BBX: variants seen among roughly 807,000 people sequenced by gnomAD.
BBX encodes BBX high mobility group box domain containing, also known as HMG box transcription factor BBX.
A neutral mutation model predicts 100.2 loss-of-function variants in BBX; 30 were observed. The ratio of observed to expected loss-of-function variants is 0.30; its 90% confidence interval spans 0.22 to 0.41. The LOEUF (loss-of-function observed/expected upper bound fraction) is 0.41, where lower values mean the gene tolerates loss of function less well. BBX is among the 10% of genes least tolerant of loss of function. BBX has a pLI of 1.00. For synonymous variants in BBX, 376 were observed against 388.1 expected (o/e 0.97, Z 0.37); for missense variants, 1,023 against 1,129.8 (o/e 0.91, Z 1.35).
chr3:107,797,413 T>TTGCTTAGG (rs1415672558), intron 15 of BBX, among the ~76,000 whole-genome samples: 1 of 139,978 alleles, frequency 7.1e-6, no homozygotes, highest in Non-Finnish European at 1.5e-5. Flanking sequence ...TGGATTTAGT[T>TTGCTTAGG]TGCTTAGGGC....
intron 3 of BBX, among the ~76,000 whole-genome samples, chr3:107,668,685 G>T (rs1214997452): frequency 2.0e-5 from 3 of 152,206 alleles, no homozygotes; most frequent in Non-Finnish European, 4.4e-5. Flanking sequence ...CAAAATTAAA[G>T]CTCATGGAGA....
chr3:107,580,075 T>C (rs1257047749), intron 2 of BBX, among the ~76,000 whole-genome samples: 2 of 152,132 alleles, frequency 1.3e-5, no homozygotes, highest in African/African-American at 4.8e-5. Context: ...AAAAAGCCAA[T>C]AATCTTTTAT....
At position 107,716,607 on chromosome 3, in the gene BBX, G is replaced by T; in HGVS notation, c.163G>T (p.Val55Phe). The T allele has an allele frequency of 1.2e-6, 2 of 1,613,200 alleles. No individual in the cohort carries two copies. The highest frequency in any genetic ancestry group is 1.7e-6 in the Non-Finnish European group (2 of 1,179,346). ...CTGGCTTTGTTTTTGGTGGTAATAG[G>T]TTCAACTTCTTGGGGCCGATGGCCT... ...EEDEEEDIDK[V>F]QLLGADGLEQ... The change falls in exon 5 of 18, where the codon GTT becomes TTT. Residue 55 changes from valine (V) to phenylalanine (F), a missense_variant and splice_region_variant. Val to Phe is a conservative substitution (Grantham distance 50, BLOSUM62 -1). Transcript: ENST00000325805.
chr3:107,652,603 A>G (rs2057904860), intron 3 of BBX, among the ~76,000 whole-genome samples: 1 of 152,194 alleles, frequency 6.6e-6, no homozygotes, highest in South Asian at 2.1e-4. Flanking sequence ...TCACTAGTTG[A>G]GGACAGTATG....
At chr3:107,698,574 C>T (rs971886056) in intron 3 of BBX, among the ~76,000 whole-genome samples, 38 of 151,238 alleles carry the variant, frequency 2.5e-4, no homozygotes, top group African/African-American at 8.8e-4. Context: ...ATTGCTTGAA[C>T]CTGGCAGGTG....
chr3:107,798,727 A>G lies in BBX; in HGVS notation c.2551+7A>G. ...CCAGCAGGAGGTACTTTGGGTAAGA[A>G]GAGAGAGCTTTAGACCAGAGGTGTC... On this transcript the variant is annotated splice_region_variant and intron_variant, in intron 16 of 17. Coordinates refer to ENST00000325805, the MANE Select transcript of BBX (RefSeq NM_001142568.3). The G allele has an allele frequency of 6.2e-7, 1 of 1,613,302 alleles. No homozygotes were observed. The highest frequency in any genetic ancestry group is 8.5e-7 in the Non-Finnish European group (1 of 1,179,578).
intron 3 of BBX, among the ~76,000 whole-genome samples, chr3:107,664,904 T>C (rs1336883095): frequency 6.6e-6 from 1 of 152,230 alleles, no homozygotes; most frequent in Non-Finnish European, 1.5e-5. Flanking sequence ...AGTAAATGAC[T>C]CAGGTCCCCT....
intron 2 of BBX, among the ~76,000 whole-genome samples, chr3:107,610,383 A>G (rs919639001): frequency 1.3e-5 from 2 of 152,086 alleles, no homozygotes; most frequent in Non-Finnish European, 2.9e-5. Context: ...TTTGATCTGT[A>G]GCATAGATTA....
At chr3:107,720,720 C>T (rs1042980772) in intron 5 of BBX, among the ~76,000 whole-genome samples, 2 of 151,886 alleles carry the variant, frequency 1.3e-5, no homozygotes, top group Non-Finnish European at 2.9e-5. Context: ...CTATTTTTGT[C>T]AATACTCTGG....
chr3:107,584,814 C>T (rs974246563), intron 2 of BBX, among the ~76,000 whole-genome samples: 3 of 147,960 alleles, frequency 2.0e-5, no homozygotes, highest in African/African-American at 7.5e-5. Flanking sequence ...GCTTCAGCCT[C>T]TGGAGTAGCT....
chr3:107,533,547 A>G (rs1031905995), intron 2 of BBX, among the ~76,000 whole-genome samples: 4 of 152,232 alleles, frequency 2.6e-5, no homozygotes, highest in African/African-American at 9.6e-5. Flanking sequence ...AAGTTGAGCC[A>G]AGTTAAAGGC....
chr3:107,600,262 T>C (rs2053972505), intron 2 of BBX, among the ~76,000 whole-genome samples: 1 of 152,196 alleles, frequency 6.6e-6, no homozygotes, highest in Admixed American at 6.5e-5. Context: ...AACCAATACC[T>C]AAGGAAGCAT....
At chr3:107,569,484 TA>T (rs1338024645) in intron 2 of BBX, among the ~76,000 whole-genome samples, 3 of 151,934 alleles carry the variant, frequency 2.0e-5, no homozygotes, top group Admixed American at 6.6e-5. Flanking sequence ...TAAAGGGAGA[TA>T]GGGGTGGGGC....
chr3:107,553,128 G>T (rs941133993), intron 2 of BBX, among the ~76,000 whole-genome samples: 3 of 152,098 alleles, frequency 2.0e-5, no homozygotes, highest in Non-Finnish European at 4.4e-5. Flanking sequence ...TGGTATTTAG[G>T]CATCCCATTA....
intron 1 of BBX, chr3:107,523,764 C>T (rs931077168): frequency 6.6e-6 from 1 of 152,516 alleles, no homozygotes; most frequent in African/African-American, 2.4e-5. Flanking sequence ...AACGTTTCGT[C>T]TGCGTTGGTG....
At chr3:107,704,708 T>C (rs2061287728) in intron 3 of BBX, among the ~76,000 whole-genome samples, 1 of 152,186 alleles carries the variant, frequency 6.6e-6, no homozygotes, top group South Asian at 2.1e-4. Flanking sequence ...CATGACTGCA[T>C]TGCCTCTTGT....
chr3:107,681,465 A>G (rs1039736170), intron 3 of BBX, among the ~76,000 whole-genome samples: 5 of 152,108 alleles, frequency 3.3e-5, no homozygotes, highest in South Asian at 2.1e-4. Flanking sequence ...AATTCGTGGG[A>G]CATTATTTGG....
At chr3:107,719,481 C>T (rs1346256461) in intron 5 of BBX, among the ~76,000 whole-genome samples, 1 of 151,950 alleles carries the variant, frequency 6.6e-6, no homozygotes, top group Non-Finnish European at 1.5e-5. Context: ...CCTTTCCTTC[C>T]TCCTGATTAT....
chr3:107,745,406 A>G (rs2064491860), intron 8 of BBX, among the ~76,000 whole-genome samples: 2 of 152,162 alleles, frequency 1.3e-5, no homozygotes, highest in Non-Finnish European at 2.9e-5. Context: ...CACCACTGTC[A>G]TCCTTCCTGG....
Sources: allele counts gnomAD v4.1 joint callset (sites outside exome capture counted in the v4.1 genomes callset), GRCh38; gene constraint gnomAD v4.1.1; transcripts MANE v1.5; gene names NCBI Gene and HGNC (gene_info 2026-07-23, HGNC 2026-07-21).